Variants in SLIT3 observed in about 807,000 individuals in gnomAD.
The protein encoded by SLIT3 is slit homolog 3 protein.
In SLIT3, 68 loss-of-function variants were observed where a neutral mutation model predicts 184.0. That is an observed-to-expected ratio of 0.37 (90% CI 0.30 to 0.45). The LOEUF (loss-of-function observed/expected upper bound fraction) is 0.45, where lower values mean the gene tolerates loss of function less well. Ranked by LOEUF, SLIT3 falls within the 20% of genes least tolerant of loss-of-function variation. SLIT3 has a pLI of 1.00. For missense variants in SLIT3, 1,707 were observed against 2,026.0 expected (o/e 0.84, Z 3.02); for synonymous variants, 831 against 828.6 (o/e 1.00, Z -0.05).
rs538015269 is a variant in SLIT3, at chr5:168,974,344, A to G, written c.414-91008T>C. Among the ~76,000 whole-genome samples the G allele has an allele frequency of 4.3e-4, 66 of 152,288 alleles. 1 individual carries two copies. The South Asian group carries it at 0.013, about 30-fold the overall frequency. Reference sequence around the variant, plus strand: ...ATAAACATTCTTTGTTGACCCCATTATCTTTCCAGTTCAAACTAGATTGTG... The same window carrying G: ...ATAAACATTCTTTGTTGACCCCATTGTCTTTCCAGTTCAAACTAGATTGTG... On this transcript the variant is annotated intron_variant, in intron 4 of 35. Transcript: ENST00000519560.
intron 4 of SLIT3, among the ~76,000 whole-genome samples, chr5:169,076,808 A>G (rs1435532942): frequency 6.6e-6 from 1 of 152,218 alleles, no homozygotes; most frequent in African/African-American, 2.4e-5. Context: ...AGTTCAATTC[A>G]TCGAGTACAG....
intron 3 of SLIT3, among the ~76,000 whole-genome samples, chr5:169,243,616 T>C (rs1765479478): frequency 6.6e-6 from 1 of 152,178 alleles, no homozygotes; most frequent in Non-Finnish European, 1.5e-5. Flanking sequence ...TCCCTGTTCT[T>C]ATGTGGCCCC....
Position 168,666,697 on chromosome 5 carries a change from G to C in SLIT3, c.4337-8C>G, listed in dbSNP as rs756823346. On this transcript the variant is annotated splice_region_variant and splice_polypyrimidine_tract_variant and intron_variant, in intron 35 of 35. Transcript: ENST00000519560. ...GTCCCAGGCACGGATTCTCTGCAGA[G>C]GGCATAGAAGTCAGGGCATTGGTGG... The C allele has an allele frequency of 3.7e-6, 6 of 1,613,996 alleles. No individual in the cohort carries two copies. The African/African-American group carries it at 8.0e-5, about 22-fold the overall frequency.
chr5:168,924,997 T>C (rs1172704638), intron 4 of SLIT3, among the ~76,000 whole-genome samples: 1 of 152,070 alleles, frequency 6.6e-6, no homozygotes, highest in Non-Finnish European at 1.5e-5. Flanking sequence ...AGTTTCAGAG[T>C]CAACCAATAT....
At chr5:169,253,985 C>T (rs560938719) in intron 1 of SLIT3, among the ~76,000 whole-genome samples, 1 of 152,312 alleles carries the variant, frequency 6.6e-6, no homozygotes, top group Admixed American at 6.5e-5. Flanking sequence ...CTCTCCCCTC[C>T]CACTGAGCTG....
chr5:168,983,226 T>C (rs985386347), intron 4 of SLIT3, among the ~76,000 whole-genome samples: 1 of 152,164 alleles, frequency 6.6e-6, no homozygotes, highest in Non-Finnish European at 1.5e-5. Context: ...GATCAAAACA[T>C]CACTTTCTAT....
intron 4 of SLIT3, among the ~76,000 whole-genome samples, chr5:169,181,207 T>C (rs73315699): frequency 0.01 from 1,599 of 152,300 alleles, 35 homozygotes; most frequent in African/African-American, 0.036. Context: ...TAAAGTGAAA[T>C]TATATCTGTG....
intron 20 of SLIT3, among the ~76,000 whole-genome samples, chr5:168,729,002 T>C (rs747359990): frequency 4.4e-4 from 66 of 150,592 alleles, no homozygotes; most frequent in Non-Finnish European, 7.2e-4. Flanking sequence ...CAAAATACAT[T>C]AGAAAATTTC....
At chr5:169,244,818 C>T in intron 2 of SLIT3, 42 bp from the exon 3 acceptor site, 4 of 1,544,650 alleles carry the variant, frequency 2.6e-6, no homozygotes, top group Non-Finnish European at 3.6e-6. Flanking sequence ...CAAAGCTGGG[C>T]TCAGGGACCC....
At chr5:169,032,811 T>C (rs1252219057) in intron 4 of SLIT3, among the ~76,000 whole-genome samples, 1 of 152,062 alleles carries the variant, frequency 6.6e-6, no homozygotes, top group African/African-American at 2.4e-5. Flanking sequence ...TGAATTTTAT[T>C]GTGTATATTG....
intron 4 of SLIT3, among the ~76,000 whole-genome samples, chr5:168,909,292 TA>T (rs902953088): frequency 8.6e-5 from 13 of 151,884 alleles, no homozygotes; most frequent in African/African-American, 1.4e-4. Flanking sequence ...GCAAATTCTT[TA>T]AAAAAAAATC....
chr5:169,058,161 C>T (rs997728690), intron 4 of SLIT3, among the ~76,000 whole-genome samples: 1 of 152,252 alleles, frequency 6.6e-6, no homozygotes, highest in Non-Finnish European at 1.5e-5. Flanking sequence ...CTCAGATGTT[C>T]TGCCTATTAA....
At chr5:168,926,934 A>G (rs1430926795) in intron 4 of SLIT3, among the ~76,000 whole-genome samples, 1 of 152,224 alleles carries the variant, frequency 6.6e-6, no homozygotes, top group Non-Finnish European at 1.5e-5. Context: ...GGAATGGAAG[A>G]CAGTGCAATT....
At chr5:169,151,979 A>G (rs975676852) in intron 4 of SLIT3, among the ~76,000 whole-genome samples, 3 of 152,256 alleles carry the variant, frequency 2.0e-5, no homozygotes, top group African/African-American at 7.2e-5. Flanking sequence ...TGAAAAGCAA[A>G]TAGAATAAAG....
At chr5:168,955,509 T>A (rs1762797496) in intron 4 of SLIT3, among the ~76,000 whole-genome samples, 1 of 152,166 alleles carries the variant, frequency 6.6e-6, no homozygotes, top group Non-Finnish European at 1.5e-5. Context: ...GTCTCTTCTA[T>A]GGGTTAGGCT....
intron 4 of SLIT3, among the ~76,000 whole-genome samples, chr5:169,193,200 T>C (rs1255224527): frequency 2.0e-5 from 3 of 152,124 alleles, no homozygotes; most frequent in Non-Finnish European, 4.4e-5. Flanking sequence ...CCACAATCCA[T>C]GGAAGCATCG....
At chr5:168,882,264 C>T (rs1362928871) in intron 5 of SLIT3, among the ~76,000 whole-genome samples, 1 of 152,146 alleles carries the variant, frequency 6.6e-6, no homozygotes, top group African/African-American at 2.4e-5. Flanking sequence ...CAAATCAGAC[C>T]TTCTTCCCTA....
At chr5:169,189,136 C>T (rs1382300815) in intron 4 of SLIT3, among the ~76,000 whole-genome samples, 2 of 152,124 alleles carry the variant, frequency 1.3e-5, no homozygotes, top group Non-Finnish European at 2.9e-5. Context: ...TGTTTGAACA[C>T]AGAATAAGAG....
At chr5:168,988,687 G>T (rs934475767) in intron 4 of SLIT3, among the ~76,000 whole-genome samples, 3 of 152,158 alleles carry the variant, frequency 2.0e-5, no homozygotes, top group Admixed American at 2.0e-4. Flanking sequence ...TATATAAAAG[G>T]GTGAATGGGT....
Sources: gnomAD v4.1 joint callset for allele counts (sites outside exome capture counted in the v4.1 genomes callset) on GRCh38, gnomAD v4.1.1 for gene constraint, MANE v1.5 for transcripts, NCBI Gene and HGNC (gene_info 2026-07-23, HGNC 2026-07-21) for gene names.